MBD5: variants seen among roughly 807,000 people sequenced by gnomAD.
MBD5 encodes the protein methyl-CpG-binding domain protein 5.
In MBD5, 13 loss-of-function variants were observed where a neutral mutation model predicts 117.3. The observed-to-expected ratio is 0.11, with a 90% CI of 0.07 to 0.18. The LOEUF is 0.18. Among genes scored for constraint, MBD5 ranks in the 10% least tolerant of loss-of-function variants. MBD5 has a pLI of 1.00. For missense variants in MBD5, 1,879 were observed against 2,093.8 expected, an observed-to-expected ratio of 0.90 and a Z score of 2.00; for synonymous variants, 727 against 766.4, an observed-to-expected ratio of 0.95 and a Z score of 0.85.
intron 3 of MBD5, among the ~76,000 whole-genome samples, chr2:148,234,144 A>G (rs115779543): frequency 2.6e-5 from 4 of 152,108 alleles, no homozygotes; most frequent in Non-Finnish European, 5.9e-5. Flanking sequence ...CATGAAAAAT[A>G]TAGACTTAAG....
chr2:148,053,995 C>T (rs771886929), intron 1 of MBD5: 1 of 151,604 alleles, frequency 6.6e-6, no homozygotes, highest in African/African-American at 2.4e-5. Flanking sequence ...GCAACCTCGA[C>T]CTCCTGGGCT....
chr2:148,170,841 A>T (rs1698246886), intron 1 of MBD5, among the ~76,000 whole-genome samples: 1 of 152,252 alleles, frequency 6.6e-6, no homozygotes, highest in Non-Finnish European at 1.5e-5. Context: ...AGAATGGATC[A>T]TAAGAGACCA....
chr2:148,089,173 C>A (rs1386294835), intron 1 of MBD5, among the ~76,000 whole-genome samples: 1 of 151,984 alleles, frequency 6.6e-6, no homozygotes. Flanking sequence ...AAGATACGTG[C>A]ACCTAACATA....
At chr2:148,396,843 G>A (rs1213797224) in intron 4 of MBD5, among the ~76,000 whole-genome samples, 2 of 152,150 alleles carry the variant, frequency 1.3e-5, no homozygotes, top group African/African-American at 4.8e-5. Flanking sequence ...ACTTAGATAT[G>A]ATAATGGGTC....
At chr2:148,432,943 A>C (rs935267298) in intron 4 of MBD5, among the ~76,000 whole-genome samples, 2 of 152,142 alleles carry the variant, frequency 1.3e-5, no homozygotes, top group African/African-American at 4.8e-5. Context: ...TTAAATCTGT[A>C]AATTGTTTTC....
intron 8 of MBD5, chr2:148,471,675 A>G (rs986385316): frequency 1.3e-5 from 2 of 152,094 alleles, no homozygotes; most frequent in East Asian, 3.8e-4. Context: ...TTTTGATGTC[A>G]CTATTTAATG....
chr2:148,417,827 G>T (rs193111948), intron 4 of MBD5, among the ~76,000 whole-genome samples: 21 of 151,126 alleles, frequency 1.4e-4, no homozygotes, highest in African/African-American at 4.1e-4. Context: ...TGTGCGGGGG[G>T]GTGTTTTTTG....
intron 1 of MBD5, among the ~76,000 whole-genome samples, chr2:148,030,913 C>G (rs1573930481): frequency 6.6e-6 from 1 of 152,182 alleles, no homozygotes; most frequent in African/African-American, 2.4e-5. Flanking sequence ...GGTGAAAAGC[C>G]TAGTCAATTG....
intron 3 of MBD5, among the ~76,000 whole-genome samples, chr2:148,277,099 T>C (rs1701133278): frequency 6.6e-6 from 1 of 152,170 alleles, no homozygotes; most frequent in Non-Finnish European, 1.5e-5. Flanking sequence ...TAGAGTGTTA[T>C]GTTAAGTCCA....
chr2:148,460,015 C>G (rs946287920), intron 5 of MBD5, among the ~76,000 whole-genome samples: 5 of 152,246 alleles, frequency 3.3e-5, no homozygotes, highest in Admixed American at 3.3e-4. Context: ...CATGAGATAA[C>G]TTCTTCAGAG....
chr2:148,470,007 A>G lies in MBD5; in HGVS notation c.2064A>G (p.Leu688=), dbSNP rs1389248968. ...SAVPKPGPDL[L]RKQGQGSFPI... ...TTCCTAAACCTGGACCTGACTTGCT[A>G]AGGAAGCAGGGTCAGGGTTCATTTC... is the stretch of plus-strand genomic sequence containing the variant. The change falls in exon 8 of 14, where the codon CTA becomes CTG. Residue 688 remains leucine (L), a synonymous_variant. Transcript: ENST00000642680. 1 of 1,613,634 alleles carries G rather than the reference A, an allele frequency of 6.2e-7. No homozygotes were observed. The highest frequency in any genetic ancestry group is 1.3e-5 in the African/African-American group (1 of 74,896).
intron 1 of MBD5, among the ~76,000 whole-genome samples, chr2:148,057,912 G>A (rs1466231941): frequency 2.6e-5 from 4 of 151,920 alleles, no homozygotes; most frequent in Non-Finnish European, 5.9e-5. Flanking sequence ...TGTTTTCTGG[G>A]TCATGCAATA....
At chr2:148,333,538 C>G (rs1702713783) in intron 3 of MBD5, among the ~76,000 whole-genome samples, 1 of 151,834 alleles carries the variant, frequency 6.6e-6, no homozygotes, top group Non-Finnish European at 1.5e-5. Context: ...AGTAGAGTAC[C>G]CTTCAAAATT....
intron 4 of MBD5, among the ~76,000 whole-genome samples, chr2:148,357,554 C>T (rs532477034): frequency 6.6e-6 from 1 of 151,244 alleles, no homozygotes; most frequent in African/African-American, 2.4e-5. Flanking sequence ...AGTGGGTACT[C>T]TCTTCTGAGG....
At position 148,155,192 on chromosome 2, in the gene MBD5, G is replaced by A. The variant is rs545224020; in HGVS notation, c.-924-23508G>A. ...AGGATAAAAGTTGCAGTTCTAAGTA[G>A]GATGCTTAGGGAAGTCATCACTGAA... On this transcript the variant is annotated intron_variant, in intron 1 of 13. Coordinates refer to ENST00000642680, the MANE Select transcript of MBD5 (RefSeq NM_001378120.1). Among the ~76,000 whole-genome samples, 8 of 152,284 alleles carry A rather than the reference G, an allele frequency of 5.3e-5. No homozygotes were observed. The South Asian group carries it at 1.7e-3, about 32-fold the overall frequency.
chr2:148,175,401 C>T (rs1698360597), intron 1 of MBD5, among the ~76,000 whole-genome samples: 1 of 152,076 alleles, frequency 6.6e-6, no homozygotes, highest in Admixed American at 6.5e-5. Context: ...CATTTAGAAG[C>T]AAGACCAAGG....
intron 12 of MBD5, among the ~76,000 whole-genome samples, chr2:148,504,124 A>C (rs1681954473): frequency 6.6e-6 from 1 of 152,134 alleles, no homozygotes; most frequent in African/African-American, 2.4e-5. Flanking sequence ...ATGTTTCTTC[A>C]AAGCCAATTT....
intron 1 of MBD5, among the ~76,000 whole-genome samples, chr2:148,039,401 T>C (rs916749535): frequency 1.3e-5 from 2 of 152,168 alleles, no homozygotes; most frequent in Admixed American, 6.5e-5. Flanking sequence ...GTAAAGTAAA[T>C]GGTGAGAAGA....
At chr2:148,248,534 G>C (rs1020307465) in intron 3 of MBD5, among the ~76,000 whole-genome samples, 2 of 151,994 alleles carry the variant, frequency 1.3e-5, no homozygotes, top group Admixed American at 1.3e-4. Flanking sequence ...TGAATTTACT[G>C]TCAAAAATTA....
Sources: allele counts gnomAD v4.1 joint callset (sites outside exome capture counted in the v4.1 genomes callset), GRCh38; gene constraint gnomAD v4.1.1; transcripts MANE v1.5; gene names NCBI Gene and HGNC (gene_info 2026-07-23, HGNC 2026-07-21).